HTT: variants seen among roughly 807,000 people sequenced by gnomAD.
HTT encodes the protein huntingtin, also known as huntington disease protein.
A neutral mutation model predicts 362.3 loss-of-function variants in HTT; 104 were observed. The observed-to-expected ratio is 0.29, with a 90% CI of 0.24 to 0.34. HTT has a LOEUF of 0.34. Among genes scored for constraint, HTT ranks in the 10% least tolerant of loss-of-function variants. The pLI is 1.00. For missense variants in HTT, 3,301 were observed against 3,928.6 expected (o/e 0.84, Z 4.27); for synonymous variants, 1,577 against 1,548.7 (o/e 1.02, Z -0.43).
intron 53 of HTT, among the ~76,000 whole-genome samples, chr4:3,221,238 C>A (rs1302899158): frequency 6.6e-6 from 1 of 152,218 alleles, no homozygotes; most frequent in Non-Finnish European, 1.5e-5. Flanking sequence ...CTTGCCTCTA[C>A]TTTCCCCTTT....
At chr4:3,219,293 T>A (rs575684705) in intron 52 of HTT, among the ~76,000 whole-genome samples, 2 of 152,084 alleles carry the variant, frequency 1.3e-5, no homozygotes, top group African/African-American at 4.8e-5. Flanking sequence ...GTGGAGACCA[T>A]GCAGGAGGGC....
chr4:3,182,493 T>C, intron 37 of HTT, 23 bp downstream of exon 37: 1 of 1,470,618 alleles, frequency 6.8e-7, no homozygotes, highest in Non-Finnish European at 9.5e-7. Context: ...AGCCTTGGCT[T>C]GTTGTTGCAT....
At chr4:3,148,359 T>C in intron 26 of HTT, 152 bp downstream of exon 26, 1 of 635,074 alleles carries the variant, frequency 1.6e-6, no homozygotes, top group Non-Finnish European at 2.7e-6. Flanking sequence ...AACATCAAAA[T>C]GTGACCATGT....
rs762259129 is a variant in HTT, at chr4:3,228,942, G to A, written c.8042G>A (p.Arg2681His). 15 of 1,613,562 alleles carry A rather than the reference G, an allele frequency of 9.3e-6. No homozygotes were observed. Among genetic ancestry groups the A allele is most frequent in the African/African-American group, 6.7e-5 (5 of 74,810 alleles). ...CAGTTTTTGCTTGAGTTGTACAGCC[G>A]CTGGATCCTGCCGTCCAGCTCAGCC... ...CSQFLLELYS[R>H]WILPSSSARR... The change falls in exon 59 of 67, where the codon CGC becomes CAC. Residue 2681 changes from arginine (R) to histidine (H), a missense_variant. Coordinates refer to ENST00000355072, the MANE Select transcript of HTT (RefSeq NM_001388492.1). The surrounding 1 kb of genome is among the most constrained non-coding windows in gnomAD (Gnocchi z 4.3).
intron 59 of HTT, among the ~76,000 whole-genome samples, 198 bp downstream of exon 59, chr4:3,229,207 A>G (rs545318916): frequency 6.1e-5 from 9 of 146,750 alleles, no homozygotes; most frequent in Non-Finnish European, 1.0e-4. Flanking sequence ...GGCATGCACC[A>G]TACACACAAC....
chr4:3,198,928 A>AG, intron 40 of HTT, among the ~76,000 whole-genome samples: 1 of 152,292 alleles, frequency 6.6e-6, no homozygotes, highest in Middle Eastern at 3.4e-3. Context: ...CCTGGACCGC[A>AG]GGGGGGTCCT....
chr4:3,179,192 G>C (rs1364664225), intron 35 of HTT, among the ~76,000 whole-genome samples: 2 of 152,130 alleles, frequency 1.3e-5, no homozygotes, highest in African/African-American at 2.4e-5. Flanking sequence ...AGCATCAACC[G>C]GGCTGTGTTG....
intron 12 of HTT, 57 bp downstream of exon 12, chr4:3,127,661 C>T (rs113677868): frequency 1.3e-5 from 18 of 1,345,908 alleles, no homozygotes; most frequent in African/African-American, 1.3e-4. Flanking sequence ...GAGACAGAGT[C>T]TCACTCCATA....
intron 2 of HTT, among the ~76,000 whole-genome samples, chr4:3,097,846 T>C (rs1179271717): frequency 6.6e-6 from 1 of 152,212 alleles, no homozygotes; most frequent in Non-Finnish European, 1.5e-5. Context: ...GGAAAACTTT[T>C]AAGTGTGGTT....
In HTT at chr4:3,239,852, A is replaced by G. The variant is rs1721723686; in HGVS notation, c.9222A>G (p.Pro3074=). ...TCCTTAACTCCTGCACCAGCCTCCC[A>G]CATGTCATCAGCAGGATGGGCAAGC... ...STSPWVAAIL[P]HVISRMGKLE... The change falls in exon 67 of 67, where the codon CCA becomes CCG. Residue 3074 remains proline, a synonymous_variant. Coordinates refer to ENST00000355072, the MANE Select transcript of HTT (RefSeq NM_001388492.1). 6.4e-7 allele frequency: 1 copy of G among 1,556,166 alleles called. No individual in the cohort carries two copies. The highest frequency in any genetic ancestry group is 1.4e-5 in the African/African-American group (1 of 73,474).
chr4:3,190,948 A>T (rs1336728783), intron 40 of HTT, among the ~76,000 whole-genome samples: 2 of 152,230 alleles, frequency 1.3e-5, no homozygotes, highest in Non-Finnish European at 2.9e-5. Flanking sequence ...AACAGCATTA[A>T]GTCATGGTCC....
intron 1 of HTT, among the ~76,000 whole-genome samples, chr4:3,076,887 A>T (rs1712582488): frequency 6.6e-6 from 1 of 152,192 alleles, no homozygotes; most frequent in Non-Finnish European, 1.5e-5. Flanking sequence ...TATTTAAAAA[A>T]TTTAATCAGG....
Position 3,238,849 on chromosome 4 carries a change from C to G in HTT, c.9086C>G (p.Ser3029Trp). 6.2e-7 allele frequency: 1 copy of G among 1,612,494 alleles called. No homozygotes were observed. Among genetic ancestry groups the G allele is most frequent in the South Asian group, 1.1e-5 (1 of 90,972 alleles). The change falls in exon 66 of 67, where the codon TCG (serine) becomes TGG (tryptophan). Residue 3029 changes from serine to tryptophan, a missense_variant. By Grantham distance (177) the Ser-to-Trp change is radical. Around this residue, in one of 4 missense-constraint regions of HTT, gnomAD observed 753 missense variants for 1,021.3 expected, o/e 0.74. Coordinates refer to ENST00000355072, the MANE Select transcript of HTT (RefSeq NM_001388492.1). The part of the protein sequence containing the change: ...VFQTLHSTGQ[S>W]SMVRDWVMLS... ...CAGACTCTGCACAGCACCGGGCAGT[C>G]GTCCATGGTCCGGGACTGGGTCATG...
At chr4:3,106,616 G>A (rs1714439973) in intron 5 of HTT, among the ~76,000 whole-genome samples, 2 of 152,144 alleles carry the variant, frequency 1.3e-5, no homozygotes, top group Non-Finnish European at 2.9e-5. Context: ...CAATGGCTCT[G>A]TCACCTCAGA....
chr4:3,175,075 C>T lies in HTT; in HGVS notation c.4375C>T (p.Arg1459Trp), dbSNP rs1256277011. 10 of 1,613,916 alleles carry T rather than the reference C, an allele frequency of 6.2e-6. No homozygotes were observed. The highest frequency in any genetic ancestry group is 1.7e-5 in the Admixed American group (1 of 59,972). The change falls in exon 33 of 67, where the codon CGG becomes TGG. Residue 1459 changes from arginine to tryptophan, a missense_variant. By Grantham distance (101) the Arg-to-Trp change is moderately radical (BLOSUM62 -3). Around this residue, in one of 4 missense-constraint regions of HTT, gnomAD observed 2,316 missense variants for 2,658.5 expected, o/e 0.87. Transcript: ENST00000355072. ...LDLLAQLVQL[R>W]VNYCLLDSDQ... is the part of the protein sequence containing the mutation. ...TTTGCTGGCGCAGCTGGTTCAGTTA[C>T]GGGTTAATTACTGTCTTCTGGATTC...
chr4:3,172,247 C>T, intron 29 of HTT, 73 bp from the exon 30 acceptor site: 1 of 865,482 alleles, frequency 1.2e-6, no homozygotes, highest in Non-Finnish European at 2.0e-6. Context: ...CTTGTACCTT[C>T]AATTTCTGTC....
At position 3,209,808 on chromosome 4, in the gene HTT, T is replaced by C. The variant is rs1315323378; in HGVS notation, c.6292-19T>C. ...AACGCCGCCCATCATGTTCCCCTTA[T>C]CCATTTTTTTCTTCCCAGGACTGGT... On this transcript the variant is annotated intron_variant, in intron 46 of 66. Transcript: ENST00000355072. 2 of 1,612,950 alleles carry C rather than the reference T, an allele frequency of 1.2e-6. No individual in the cohort carries two copies. Among genetic ancestry groups the C allele is most frequent in the South Asian group, 2.2e-5 (2 of 90,968 alleles).
At chr4:3,137,732 A>G (rs371028360) in intron 21 of HTT, among the ~76,000 whole-genome samples, 22 of 152,156 alleles carry the variant, frequency 1.4e-4, no homozygotes, top group African/African-American at 5.3e-4. Flanking sequence ...TGGACATTTT[A>G]TAGTACTGGG....
At chr4:3,122,772 G>A in intron 9 of HTT, 117 bp from the exon 10 acceptor site, 1 of 758,702 alleles carries the variant, frequency 1.3e-6, no homozygotes, top group South Asian at 1.8e-5. Flanking sequence ...GTTTCCTGTG[G>A]AAAAACGTTC....
Sources: gnomAD v4.1 joint callset for allele counts (sites outside exome capture counted in the v4.1 genomes callset) on GRCh38, gnomAD v4.1.1 for gene constraint, gnomAD v4.1.1 regional missense constraint, Gnocchi (gnomAD v3.1) non-coding constraint, MANE v1.5 for transcripts, NCBI Gene and HGNC (gene_info 2026-07-23, HGNC 2026-07-21) for gene names.